MPHOSPH9: variants seen among roughly 807,000 people sequenced by gnomAD.
MPHOSPH9 encodes M-phase phosphoprotein 9.
Under a neutral mutation model 145.5 loss-of-function variants are expected in MPHOSPH9, and 88 were observed. That is an observed-to-expected ratio of 0.60 (90% CI 0.51 to 0.72). MPHOSPH9 has a LOEUF of 0.72. Ranked by LOEUF, MPHOSPH9 falls within the 30% of genes least tolerant of loss-of-function variation. The pLI is 0.00. For synonymous variants in MPHOSPH9, 435 were observed against 486.2 expected (o/e 0.89, Z 1.39); for missense variants, 1,238 against 1,386.6 (o/e 0.89, Z 1.70).
chr12:123,209,739 T>TG lies in MPHOSPH9; in HGVS notation c.1194+316_1194+317insC, dbSNP rs1215402663. On this transcript the variant is annotated intron_variant, in intron 8 of 23. Transcript: ENST00000606320. ...CGGTGTGTGTGTTTTGTTTTGTTGT[T>TG]TTTTTTTTTTTTTTTGAGATGGAGT... Among the ~76,000 whole-genome samples the TG allele has an allele frequency of 2.2e-3, 314 of 143,296 alleles. 4 individuals carry two copies. Among genetic ancestry groups the TG allele is most frequent in the African/African-American group, 6.5e-3 (248 of 38,122 alleles). 94.0% of individuals were successfully genotyped at this position (143,296 alleles called of 152,430 possible).
chr12:123,212,168 A>C (rs571369434), intron 7 of MPHOSPH9, among the ~76,000 whole-genome samples: 2 of 152,176 alleles, frequency 1.3e-5, no homozygotes, highest in East Asian at 3.9e-4. Flanking sequence ...AATAGGATAA[A>C]GGGGATATGT....
chr12:123,221,070 A>G (rs746147703), intron 5 of MPHOSPH9, among the ~76,000 whole-genome samples: 1 of 152,200 alleles, frequency 6.6e-6, no homozygotes, highest in Non-Finnish European at 1.5e-5. Flanking sequence ...ACGAAAAAAA[A>G]TTGTTCAAAT....
rs531113020 is a variant in MPHOSPH9, at chr12:123,209,737, G to GTT, written c.1194+317_1194+318dup. ...CACGGTGTGTGTGTTTTGTTTTGTT[G>GTT]TTTTTTTTTTTTTTTTTGAGATGGA... On this transcript the variant is annotated intron_variant, in intron 8 of 23. Coordinates refer to ENST00000606320, the MANE Select transcript of MPHOSPH9 (RefSeq NM_022782.4). Among the ~76,000 whole-genome samples the GTT allele has an allele frequency of 3.8e-3, 464 of 123,620 alleles. 13 individuals are homozygous for GTT. The highest frequency in any genetic ancestry group is 0.01 in the South Asian group (39 of 3,816). 81.1% of individuals were successfully genotyped at this position (123,620 alleles called of 152,430 possible). A position where few individuals can be genotyped will look rare whatever the true frequency, so the allele number is the denominator to read the frequency against.
chr12:123,214,448 G>A (rs2046874924), intron 7 of MPHOSPH9, among the ~76,000 whole-genome samples: 1 of 152,096 alleles, frequency 6.6e-6, no homozygotes, highest in South Asian at 2.1e-4. Flanking sequence ...GAGGTGGGAG[G>A]ATCACTTGAG....
chr12:123,215,980 A>G (rs772371770), intron 6 of MPHOSPH9, among the ~76,000 whole-genome samples: 11 of 152,180 alleles, frequency 7.2e-5, no homozygotes, highest in African/African-American at 2.7e-4. Flanking sequence ...GCTCACGCCT[A>G]TAATCCCAGC....
rs57019975 is a variant in MPHOSPH9, at chr12:123,222,324, CAA to C, written c.349-431_349-430del. Among the ~76,000 whole-genome samples the C allele has an allele frequency of 8.2e-3, 1,037 of 126,066 alleles. 33 individuals are homozygous for C. The East Asian group carries it at 0.14, about 17-fold the overall frequency. 82.7% of individuals were successfully genotyped at this position (126,066 alleles called of 152,430 possible). A position where few individuals can be genotyped will look rare whatever the true frequency, so the allele number is the denominator to read the frequency against. On this transcript the variant is annotated intron_variant, in intron 4 of 23. Transcript: ENST00000606320. ...TGGGTGACAGAGTGAGACCTTGTCT[CAA>C]AAAAAAAAAAAAAAATTGATATAAC...
chr12:123,158,479 C>T lies in MPHOSPH9; in HGVS notation c.3451-1571G>A, dbSNP rs1430516740. On this transcript the variant is annotated intron_variant, in intron 23 of 23. Coordinates refer to ENST00000606320, the MANE Select transcript of MPHOSPH9 (RefSeq NM_022782.4). The stretch of plus-strand genomic sequence containing the variant: ...AATTAGCCAGGTGTGGTGGTGCATG[C>T]CTGTAGTCCTAGCTTACTCAAGGGG... Among the ~76,000 whole-genome samples, 4 of 152,126 alleles carry T rather than the reference C, an allele frequency of 2.6e-5. 1 individual carries two copies. In the South Asian group the frequency reaches 8.3e-4, roughly 32 times the overall value.
At chr12:123,222,267 G>C (rs977569069) in intron 4 of MPHOSPH9, among the ~76,000 whole-genome samples, 1 of 150,764 alleles carries the variant, frequency 6.6e-6, no homozygotes, top group East Asian at 1.9e-4. Context: ...AGAGGTTGCA[G>C]TCAGCTAAAA....
chr12:123,178,822 C>A (rs2044995759), intron 15 of MPHOSPH9, among the ~76,000 whole-genome samples: 1 of 152,182 alleles, frequency 6.6e-6, no homozygotes, highest in Non-Finnish European at 1.5e-5. Context: ...CTGCACCCAG[C>A]CCAGTTTGGA....
intron 13 of MPHOSPH9, among the ~76,000 whole-genome samples, chr12:123,193,679 A>G (rs914377540): frequency 5.9e-5 from 9 of 152,214 alleles, no homozygotes; most frequent in Non-Finnish European, 8.8e-5. Context: ...TCTGGTTTCA[A>G]TGTTATACAA....
chr12:123,218,517 A>C lies in MPHOSPH9; in HGVS notation c.873-18T>G. ...TAGCATTACTATTTAAGAAGAGAAA[A>C]CCAAAATTACTTTTTTTTTTTGTTT... is the stretch of plus-strand genomic sequence containing the variant. On this transcript the variant is annotated intron_variant, in intron 5 of 23. Coordinates refer to ENST00000606320, the MANE Select transcript of MPHOSPH9 (RefSeq NM_022782.4). 6.3e-7 allele frequency: 1 copy of C among 1,594,072 alleles called. No homozygotes were observed. Among genetic ancestry groups the C allele is most frequent in the Admixed American group, 1.8e-5 (1 of 56,024 alleles).
intron 11 of MPHOSPH9, among the ~76,000 whole-genome samples, chr12:123,200,800 A>AGG (rs956951675): frequency 2.0e-5 from 3 of 152,002 alleles, no homozygotes; most frequent in African/African-American, 2.4e-5. Flanking sequence ...CTGGGACTAC[A>AGG]GGTGCGCACC....
At chr12:123,237,311 T>A (rs2138742587), upstream of MPHOSPH9, among the ~76,000 whole-genome samples, 1 of 152,162 alleles carries the variant, frequency 6.6e-6, no homozygotes, top group Admixed American at 6.6e-5. Context: ...GTGCCTGTAG[T>A]CCCAGATACT....
upstream of MPHOSPH9, among the ~76,000 whole-genome samples, chr12:123,236,020 T>A (rs1007809101): frequency 2.0e-5 from 3 of 151,790 alleles, no homozygotes; most frequent in African/African-American, 7.3e-5. Context: ...GCCAAGATGG[T>A]GCCACTGCAC....
At chr12:123,187,958 T>C (rs753201849) in intron 13 of MPHOSPH9, among the ~76,000 whole-genome samples, 50 of 152,136 alleles carry the variant, frequency 3.3e-4, no homozygotes, top group Non-Finnish European at 7.4e-5. Flanking sequence ...AAACTGTCTC[T>C]AGTAAAAATA....
intron 23 of MPHOSPH9, among the ~76,000 whole-genome samples, chr12:123,158,139 A>G (rs2043949776): frequency 1.3e-5 from 2 of 152,022 alleles, no homozygotes; most frequent in Non-Finnish European, 2.9e-5. Flanking sequence ...ACAGGTGCCC[A>G]CCACCATGCC....
chr12:123,176,699 G>A lies in MPHOSPH9; in HGVS notation c.2445C>T (p.Pro815=). ...ATGAAATAACTTACTTGGCACGCGA[G>A]GGTCTCACGTGAATTCTAGAATTAT... ...LRHNSRIHVR[P]SRANTLATSD... is the part of the protein sequence containing the mutation. The change falls in exon 16 of 24, where the codon CCC becomes CCT. Residue 815 remains proline (P), a synonymous_variant. Transcript: ENST00000606320. 1.2e-6 allele frequency: 2 copies of A among 1,612,770 alleles called. No individual in the cohort carries two copies. Among genetic ancestry groups the A allele is most frequent in the Non-Finnish European group, 1.7e-6 (2 of 1,178,956 alleles).
chr12:123,232,001 C>T (rs1374472279), intron 1 of MPHOSPH9, among the ~76,000 whole-genome samples: 2 of 150,316 alleles, frequency 1.3e-5, no homozygotes, highest in African/African-American at 4.9e-5. Flanking sequence ...AAACAGGGAC[C>T]ATTTCCTTCA....
chr12:123,212,747 C>T (rs1486839792), intron 7 of MPHOSPH9, among the ~76,000 whole-genome samples: 2 of 143,880 alleles, frequency 1.4e-5, no homozygotes, highest in Non-Finnish European at 3.0e-5. Context: ...GAGTACAATC[C>T]CCAGCCTACA....
Sources: gnomAD v4.1 joint callset for allele counts (sites outside exome capture counted in the v4.1 genomes callset) on GRCh38, gnomAD v4.1.1 for gene constraint, MANE v1.5 for transcripts, NCBI Gene and HGNC (gene_info 2026-07-23, HGNC 2026-07-21) for gene names.